CHAMP1: variants seen among roughly 807,000 people sequenced by gnomAD.
CHAMP1 encodes the protein chromosome alignment maintaining phosphoprotein 1.
Under a neutral mutation model 54.5 loss-of-function variants are expected in CHAMP1, and 4 were observed. The observed-to-expected ratio is 0.07, with a 90% CI of 0.04 to 0.17. The LOEUF is 0.17. Among genes scored for constraint, CHAMP1 ranks in the 10% least tolerant of loss-of-function variants. The pLI, the probability that CHAMP1 is intolerant of heterozygous loss-of-function variation, is 1.00. For missense variants in CHAMP1, 994 were observed against 968.6 expected (o/e 1.03, Z -0.35); for synonymous variants, 368 against 342.2 (o/e 1.08, Z -0.83).
intron 2 of CHAMP1, chr13:114,323,175 T>C (rs1695373155): frequency 4.6e-5 from 7 of 152,208 alleles, no homozygotes; most frequent in Admixed American, 4.6e-4. Context: ...GCCTAGAACA[T>C]TGTAGGACAC....
chr13:114,314,718 T>C (rs571553971), intron 1 of CHAMP1, 75 bp downstream of exon 1: 4 of 152,196 alleles, frequency 2.6e-5, no homozygotes, highest in Admixed American at 2.6e-4. Flanking sequence ...GCCGCCGACC[T>C]GGCGGGGACG....
chr13:114,325,287 C>T lies in CHAMP1; in HGVS notation c.1445C>T (p.Ser482Phe). The T allele has an allele frequency of 6.2e-7, 1 of 1,614,138 alleles. No homozygotes were observed. The highest frequency in any genetic ancestry group is 8.5e-7 in the Non-Finnish European group (1 of 1,180,024). ...SRGGSPDLWKSSFFIEPQKPV... is the reference protein window; with the variant it reads ...SRGGSPDLWKFSFFIEPQKPV... ...GGTGGTTCTCCTGATCTCTGGAAGT[C>T]TTCCTTTTTTATTGAGCCTCAGAAA... The change falls in exon 3 of 3, where the codon TCT (serine) becomes TTT (phenylalanine). Residue 482 changes from serine (S) to phenylalanine (F), a missense_variant. Physicochemically the swap from Ser to Phe is radical, Grantham distance 155. Around this residue, in one of 3 missense-constraint regions of CHAMP1, gnomAD observed 851 missense variants for 701.3 expected, o/e 1.21. Transcript: ENST00000361283.
chr13:114,325,386 G>T lies in CHAMP1; in HGVS notation c.1544G>T (p.Trp515Leu). ...TCCCCCAAAGCAGCCTCAGATATCTGGAAGCCTGTTCTCTCTATCGATACT... is the reference window on the plus strand; with the variant it reads ...TCCCCCAAAGCAGCCTCAGATATCTTGAAGCCTGTTCTCTCTATCGATACT... ...SESPKAASDI[W>L]KPVLSIDTEP... The change falls in exon 3 of 3, where the codon TGG becomes TTG. Residue 515 changes from tryptophan to leucine, a missense_variant. Trp to Leu is a moderately conservative substitution (Grantham distance 61). Coordinates refer to ENST00000361283, the MANE Select transcript of CHAMP1 (RefSeq NM_032436.4). 2 of 1,614,078 alleles carry T rather than the reference G, an allele frequency of 1.2e-6. No individual in the cohort carries two copies. The highest frequency in any genetic ancestry group is 1.7e-6 in the Non-Finnish European group (2 of 1,180,034).
In CHAMP1 at chr13:114,323,836, CAGA is replaced by C. The variant is rs1566790539; in HGVS notation, c.-2_1del. ...TATAACCGTGTGTGTTGGTAACAGACAGAAGAATGGAAGCATTCCAGGAACTTC... is the reference window on the plus strand; with the variant it reads ...TATAACCGTGTGTGTTGGTAACAGACAGAATGGAAGCATTCCAGGAACTTC... On this transcript the variant is annotated 5_prime_UTR_variant, in exon 3 of 3. Coordinates refer to ENST00000361283, the MANE Select transcript of CHAMP1 (RefSeq NM_032436.4). The C allele has an allele frequency of 2.5e-6, 4 of 1,590,596 alleles. No homozygotes were observed.
At position 114,325,684 on chromosome 13, in the gene CHAMP1, T is replaced by C. The variant is rs1594132037; in HGVS notation, c.1842T>C (p.Pro614=). 7 of 1,613,796 alleles carry C rather than the reference T, an allele frequency of 4.3e-6. No homozygotes were observed. The East Asian group carries it at 1.6e-4, about 36-fold the overall frequency. The change falls in exon 3 of 3, where the codon CCT becomes CCC. Residue 614 remains proline (P), a synonymous_variant. Coordinates refer to ENST00000361283, the MANE Select transcript of CHAMP1 (RefSeq NM_032436.4). The part of the protein sequence containing the change: ...PKKLLEDTLF[P]SSKKLKKDNQ... Reference sequence around the variant, plus strand: ...AACTCTTAGAAGATACTTTATTTCCTTCCTCAAAGAAGCTCAAGAAAGACA... The same window carrying C: ...AACTCTTAGAAGATACTTTATTTCCCTCCTCAAAGAAGCTCAAGAAAGACA...
intron 1 of CHAMP1, among the ~76,000 whole-genome samples, chr13:114,315,686 A>G (rs923118378): frequency 6.6e-6 from 1 of 152,214 alleles, no homozygotes; most frequent in Non-Finnish European, 1.5e-5. Context: ...CAGCACTGAA[A>G]GTGGAGAGTG....
intron 1 of CHAMP1, among the ~76,000 whole-genome samples, chr13:114,317,656 A>G (rs2087116142): frequency 6.6e-6 from 1 of 152,168 alleles, no homozygotes; most frequent in Non-Finnish European, 1.5e-5. Context: ...TAAGATAAAG[A>G]ACAATGCTAG....
intron 2 of CHAMP1, chr13:114,323,420 C>A (rs55810603): frequency 6.3e-6 from 1 of 157,896 alleles, no homozygotes; most frequent in Non-Finnish European, 1.4e-5. Context: ...CTTTTGTACT[C>A]GGAGTTTGAG....
At position 114,325,044 on chromosome 13, in the gene CHAMP1, C is replaced by T; in HGVS notation, c.1202C>T (p.Ala401Val). The change falls in exon 3 of 3, where the codon GCT becomes GTT. Residue 401 changes from alanine to valine, a missense_variant. Physicochemically the swap from Ala to Val is moderately conservative, Grantham distance 64 (BLOSUM62 0). Around this residue, in one of 3 missense-constraint regions of CHAMP1, gnomAD observed 851 missense variants for 701.3 expected, o/e 1.21. Coordinates refer to ENST00000361283, the MANE Select transcript of CHAMP1 (RefSeq NM_032436.4). ...KSGPPELRKTAPTLSPEHWKA... is the reference protein window; with the variant it reads ...KSGPPELRKTVPTLSPEHWKA... ...GGCCCACCAGAACTCCGAAAGACAGCTCCCACGTTGTCTCCTGAACATTGG... is the reference window on the plus strand; with the variant it reads ...GGCCCACCAGAACTCCGAAAGACAGTTCCCACGTTGTCTCCTGAACATTGG... 6.2e-7 allele frequency: 1 copy of T among 1,614,140 alleles called. No homozygotes were observed. Among genetic ancestry groups the T allele is most frequent in the South Asian group, 1.1e-5 (1 of 91,080 alleles).
At chr13:114,314,890 G>C (rs1036281847) in intron 1 of CHAMP1, among the ~76,000 whole-genome samples, 1 of 152,206 alleles carries the variant, frequency 6.6e-6, no homozygotes, top group Non-Finnish European at 1.5e-5. Context: ...GAAACATTGC[G>C]TTTGAAACCA....
Position 114,324,218 on chromosome 13 carries a change from T to G in CHAMP1, c.376T>G (p.Ser126Ala). Residue 126 changes from serine to alanine, a missense_variant, in exon 3 of 3, where the codon TCC (serine) becomes GCC (alanine). By Grantham distance (99) the Ser-to-Ala change is moderately conservative (BLOSUM62 1). Transcript: ENST00000361283. The part of the protein sequence containing the change: ...KIPCNSAEPK[S>A]IPALSMETQK... ...ACCCTGCAATTCAGCAGAACCAAAA[T>G]CCATACCTGCCCTTTCAATGGAAAC... is the stretch of plus-strand genomic sequence containing the variant. The G allele has an allele frequency of 5.0e-6, 8 of 1,614,020 alleles. No individual in the cohort carries two copies. Among genetic ancestry groups the G allele is most frequent in the Non-Finnish European group, 6.8e-6 (8 of 1,179,980 alleles).
intron 1 of CHAMP1, among the ~76,000 whole-genome samples, chr13:114,317,101 T>G (rs1264084362): frequency 6.6e-6 from 1 of 152,134 alleles, no homozygotes; most frequent in Non-Finnish European, 1.5e-5. Flanking sequence ...CACTGCAACC[T>G]CCGTCTCCCG....
At chr13:114,318,839 A>T (rs1594866578) in intron 1 of CHAMP1, among the ~76,000 whole-genome samples, 1 of 70,898 alleles carries the variant, frequency 1.4e-5, no homozygotes, top group Admixed American at 1.5e-4. Context: ...TTAAAGGGCC[A>T]TCTGCCATCC....
rs1555379342 is a variant in CHAMP1 at position 114,324,025 on chromosome 13, A to G, written c.183A>G (p.Leu61=). 6.2e-7 allele frequency: 1 copy of G among 1,614,226 alleles called. No homozygotes were observed. Among genetic ancestry groups the G allele is most frequent in the Admixed American group, 1.7e-5 (1 of 60,026 alleles). The stretch of plus-strand genomic sequence containing the variant: ...TATTTTACCAGAAAAGTGCAAAGTT[A>G]TTTCACTGCCATAAATGCTTCTTCA... ...KMIFYQKSAK[L]FHCHKCFFTS... Residue 61 remains leucine, a synonymous_variant, in exon 3 of 3, where the codon TTA becomes TTG. Coordinates refer to ENST00000361283, the MANE Select transcript of CHAMP1 (RefSeq NM_032436.4).
rs1203807004 is a variant in CHAMP1, at chr13:114,325,115, C to T, written c.1273C>T (p.Pro425Ser). ...TCCAGAGCTTCGCAAACCCGGCCCA[C>T]CACTATCCCCAGAGATCCGTAGTCC... is the stretch of plus-strand genomic sequence containing the variant. ...VSPELRKPGP[P>S]LSPEIRSPAG... The change falls in exon 3 of 3, where the codon CCA (proline) becomes TCA (serine). Residue 425 changes from proline (P) to serine (S), a missense_variant. Physicochemically the swap from Pro to Ser is moderately conservative, Grantham distance 74. Around this residue, in one of 3 missense-constraint regions of CHAMP1, gnomAD observed 851 missense variants for 701.3 expected, o/e 1.21. Transcript: ENST00000361283. 1 of 1,614,058 alleles carries T rather than the reference C, an allele frequency of 6.2e-7. No homozygotes were observed. The highest frequency in any genetic ancestry group is 8.5e-7 in the Non-Finnish European group (1 of 1,180,050).
In CHAMP1 at chr13:114,325,183, T is replaced by A. The variant is rs1442675750; in HGVS notation, c.1341T>A (p.Asp447Glu). ...PELRKPSGSPDLWKLSPDQRK... is the reference protein window; with the variant it reads ...PELRKPSGSPELWKLSPDQRK... ...TCAGAAAACCCTCAGGGTCACCAGA[T>A]CTTTGGAAGCTTTCTCCTGATCAGC... The change falls in exon 3 of 3, where the codon GAT (aspartate) becomes GAA (glutamate). Residue 447 changes from aspartate (D) to glutamate (E), a missense_variant. Transcript: ENST00000361283. 6.2e-7 allele frequency: 1 copy of A among 1,614,018 alleles called. No individual in the cohort carries two copies. The highest frequency in any genetic ancestry group is 8.5e-7 in the Non-Finnish European group (1 of 1,180,032).
intron 1 of CHAMP1, among the ~76,000 whole-genome samples, chr13:114,320,601 A>G (rs1236662278): frequency 6.6e-6 from 1 of 152,174 alleles, no homozygotes; most frequent in Non-Finnish European, 1.5e-5. Context: ...CATTAAAGAG[A>G]AAGTAGACAA....
rs782290421 is a variant in CHAMP1, at chr13:114,325,737, G to C, written c.1895G>C (p.Ser632Thr). The change falls in exon 3 of 3, where the codon AGT becomes ACT. Residue 632 changes from serine (S) to threonine (T), a missense_variant. Transcript: ENST00000361283. Reference protein sequence around the residue: ...DNQESSDAELSSSEYIKTDLD... With the variant: ...DNQESSDAELTSSEYIKTDLD... ...CAAGAGAGCTCAGACGCTGAGCTTA[G>C]TAGTAGTGAGTACATAAAAACAGAT... The C allele has an allele frequency of 3.7e-6, 6 of 1,614,080 alleles. No individual in the cohort carries two copies. The highest frequency in any genetic ancestry group is 5.1e-6 in the Non-Finnish European group (6 of 1,180,044).
chr13:114,319,130 C>T (rs940280771), intron 1 of CHAMP1, among the ~76,000 whole-genome samples: 14 of 152,028 alleles, frequency 9.2e-5, no homozygotes, highest in African/African-American at 3.4e-4. Flanking sequence ...TGTATATCTA[C>T]AAAGAACCTG....
Sources: allele counts gnomAD v4.1 joint callset (sites outside exome capture counted in the v4.1 genomes callset), GRCh38; gene constraint gnomAD v4.1.1; regional missense constraint gnomAD v4.1.1; transcripts MANE v1.5; gene names NCBI Gene and HGNC (gene_info 2026-07-23, HGNC 2026-07-21).